The following SPATA31C2 variants were observed in gnomAD, a reference collection of about 807,000 sequenced individuals.
The protein encoded by SPATA31C2 is spermatogenesis-associated protein 31C2.
In SPATA31C2, 5 loss-of-function variants were observed where a neutral mutation model predicts 11.4. The ratio of observed to expected loss-of-function variants is 0.44; its 90% CI spans 0.23 to 0.92. SPATA31C2 has a LOEUF of 0.92. Among genes scored for constraint, SPATA31C2 ranks in the 40% least tolerant of loss-of-function variants. The pLI is 0.24. For synonymous variants in SPATA31C2, 515 were observed against 538.7 expected, an observed-to-expected ratio of 0.96 and a Z score of 0.61; for missense variants, 1,353 against 1,368.6, an observed-to-expected ratio of 0.99 and a Z score of 0.18.
In SPATA31C2 at chr9:88,137,987, C is replaced by CA. The variant is rs1342260481; in HGVS notation, c.189+270_189+271insT. On this transcript the variant is annotated intron_variant, in intron 1 of 3. Coordinates refer to ENST00000324915, the MANE Select transcript of SPATA31C2 (RefSeq NM_001350978.3). ...CCAGAGACCTCCCCCGTCTCATGACCGGTCCTGGCCGCTGAGCCCACGGGT... is the reference window on the plus strand; with the variant it reads ...CCAGAGACCTCCCCCGTCTCATGACCAGGTCCTGGCCGCTGAGCCCACGGGT... Among the ~76,000 whole-genome samples the CA allele has an allele frequency of 3.3e-4, 36 of 108,282 alleles. No individual in the cohort carries two copies. The East Asian group carries it at 7.3e-3, about 22-fold the overall frequency. 71.0% of individuals were successfully genotyped at this position (108,282 alleles called of 152,430 possible). A position where few individuals can be genotyped will look rare whatever the true frequency, so the allele number is the denominator to read the frequency against.
chr9:88,131,960 G>A lies in SPATA31C2; in HGVS notation c.1077C>T (p.Ser359=). ...AAGCAGGAGATAGGACTGGGAAAGA[G>A]GATTGAAGATGGGCCTGAGCCTCGG... The part of the protein sequence containing the change: ...AQAEAQAHLQ[S]SFPVLSPAFL... The change falls in exon 4 of 4, where the codon TCC becomes TCT. Residue 359 remains serine, a synonymous_variant. Coordinates refer to ENST00000324915, the MANE Select transcript of SPATA31C2 (RefSeq NM_001350978.3). 1.9e-6 allele frequency: 3 copies of A among 1,611,138 alleles called. No individual in the cohort carries two copies. Among genetic ancestry groups the A allele is most frequent in the Non-Finnish European group, 2.5e-6 (3 of 1,178,030 alleles).
At chr9:88,134,446 G>A (rs1240882066) in intron 1 of SPATA31C2, among the ~76,000 whole-genome samples, 14 of 151,446 alleles carry the variant, frequency 9.2e-5, no homozygotes, top group Admixed American at 4.0e-4. Context: ...GCCTGGCCTC[G>A]GACAGAGACC....
chr9:88,133,804 C>T (rs1353790027), intron 1 of SPATA31C2, 135 bp from the exon 2 acceptor site: 5 of 1,330,384 alleles, frequency 3.8e-6, no homozygotes, highest in Non-Finnish European at 4.2e-6. Flanking sequence ...TTCCTCCCCT[C>T]CCACTCATGT....
In SPATA31C2 at chr9:88,129,607, T is replaced by G; in HGVS notation, c.*25A>C. The G allele has an allele frequency of 6.2e-7, 1 of 1,602,626 alleles. No homozygotes were observed. The highest frequency in any genetic ancestry group is 1.3e-5 in the African/African-American group (1 of 74,618). ...GGATGTCGCAGGCCCCATTGCTCAT[T>G]GTTGCACCGGACACTTTTCAAGGGC... is the stretch of plus-strand genomic sequence containing the variant. On this transcript the variant is annotated 3_prime_UTR_variant, in exon 4 of 4. Coordinates refer to ENST00000324915, the MANE Select transcript of SPATA31C2 (RefSeq NM_001350978.3).
rs371140455 is a variant in SPATA31C2, at chr9:88,131,891, C to T, written c.1146G>A (p.Ser382=). The change falls in exon 4 of 4, where the codon TCG becomes TCA. Residue 382 remains serine, a synonymous_variant. Transcript: ENST00000324915. The stretch of plus-strand genomic sequence containing the variant: ...GGGAGAGAGCTTGCACTTTATTCTG[C>T]GACGCAGGGCAAGCTACTCCAGTGT... ...MKNTGVACPA[S]QNKVQALSLP... The T allele has an allele frequency of 7.4e-5, 119 of 1,610,402 alleles. No individual in the cohort carries two copies. The East Asian group carries it at 1.2e-3, about 16-fold the overall frequency.
At chr9:88,134,108 T>G (rs569690385) in intron 1 of SPATA31C2, among the ~76,000 whole-genome samples, 15 of 149,732 alleles carry the variant, frequency 1.0e-4, no homozygotes, top group African/African-American at 3.7e-4. Context: ...TGAGCCGGTA[T>G]CGCTCCATTT....
rs745894733 is a variant in SPATA31C2 at position 88,132,729 on chromosome 9, A to G, written c.327-19T>C. 1.3e-6 allele frequency: 2 copies of G among 1,591,654 alleles called. No individual in the cohort carries two copies. Among genetic ancestry groups the G allele is most frequent in the South Asian group, 1.1e-5 (1 of 89,400 alleles). ...CAGGAGGCTGCAGGAGACAGGAGGC[A>G]CAAGCTGCAGCCAGGAGCAGATGGG... On this transcript the variant is annotated intron_variant, in intron 3 of 3. Transcript: ENST00000324915.
rs771254570 is a variant in SPATA31C2, at chr9:88,131,987, C to A, written c.1050G>T (p.Gln350His). 4 of 1,611,082 alleles carry A rather than the reference C, an allele frequency of 2.5e-6. No homozygotes were observed. In the South Asian group the frequency reaches 4.4e-5, roughly 18 times the overall value. ...TPQFWPTPMA[Q>H]AEAQAHLQSS... ...ATTGAAGATGGGCCTGAGCCTCGGC[C>A]TGAGCCATAGGTGTGGGCCAGAATT... Residue 350 changes from glutamine (Q) to histidine (H), a missense_variant, in exon 4 of 4, where the codon CAG becomes CAT. Gln to His is a conservative substitution (Grantham distance 24, BLOSUM62 0). This residue lies in a region of SPATA31C2 where 1,075 missense variants were observed against 992.8 expected (regional missense o/e 1.08). Coordinates refer to ENST00000324915, the MANE Select transcript of SPATA31C2 (RefSeq NM_001350978.3).
At chr9:88,135,440 C>T (rs928038576) in intron 1 of SPATA31C2, among the ~76,000 whole-genome samples, 1 of 100,818 alleles carries the variant, frequency 9.9e-6, no homozygotes, top group Non-Finnish European at 1.7e-5. Flanking sequence ...ATTTCTTTTA[C>T]TCTTATTTAG....
rs575689556 is a variant in SPATA31C2, at chr9:88,129,818, G to T, written c.3219C>A (p.Arg1073=). 6.2e-7 allele frequency: 1 copy of T among 1,604,468 alleles called. No homozygotes were observed. The change falls in exon 4 of 4, where the codon CGC becomes CGA. Residue 1073 remains arginine (R), a synonymous_variant. Transcript: ENST00000324915. The part of the protein sequence containing the change: ...LEENMSLCHA[R]HASKVNQQRQ... The stretch of plus-strand genomic sequence containing the variant: ...TTTGCTGATTTACCTTCGAGGCATG[G>T]CGCGCATGGCAAAGTGACATGTTCT...
Position 88,130,869 on chromosome 9 carries a change from G to A in SPATA31C2, c.2168C>T (p.Pro723Leu), listed in dbSNP as rs771036392. The A allele has an allele frequency of 5.0e-6, 8 of 1,613,736 alleles. No homozygotes were observed. The highest frequency in any genetic ancestry group is 6.8e-6 in the Non-Finnish European group (8 of 1,179,870). ...AAGCCTCTCTGGCATGTGAACAGAT[G>A]GTTTGGTCAGCACCTGCTTTCTCAG... ...ASLRKQVLTK[P>L]SVHMPERLQA... The change falls in exon 4 of 4, where the codon CCA becomes CTA. Residue 723 changes from proline (P) to leucine (L), a missense_variant. Transcript: ENST00000324915.
In SPATA31C2 at chr9:88,129,682, G is replaced by C. The variant is rs1164133770; in HGVS notation, c.3355C>G (p.Leu1119Val). The change falls in exon 4 of 4, where the codon CTC becomes GTC. Residue 1119 changes from leucine to valine, a missense_variant. Physicochemically the swap from Leu to Val is conservative, Grantham distance 32. This residue lies in a region of SPATA31C2 where 187 missense variants were observed against 205.8 expected (regional missense o/e 0.91). Coordinates refer to ENST00000324915, the MANE Select transcript of SPATA31C2 (RefSeq NM_001350978.3). ...SYAASSQQAT[L>V]KNQSRPNRDR... is the part of the protein sequence containing the mutation. Reference sequence around the variant, plus strand: ...CTGTTGGGACGACTCTGGTTCTTGAGAGTGGCTTGTTGACTGCTGGCTGCA... The same window carrying C: ...CTGTTGGGACGACTCTGGTTCTTGACAGTGGCTTGTTGACTGCTGGCTGCA... 1 of 1,603,686 alleles carries C rather than the reference G, an allele frequency of 6.2e-7. No homozygotes were observed. The highest frequency in any genetic ancestry group is 2.2e-5 in the East Asian group (1 of 44,526).
chr9:88,131,343 C>G lies in SPATA31C2; in HGVS notation c.1694G>C (p.Arg565Thr). ...TTCTATATGATTCCTCTCTGTGCGTCTTAATAAATCACTTCCTGAGTCACT... is the reference window on the plus strand; with the variant it reads ...TTCTATATGATTCCTCTCTGTGCGTGTTAATAAATCACTTCCTGAGTCACT... ...LRSDSGSDLL[R>T]RTERNHIENI... The change falls in exon 4 of 4, where the codon AGA becomes ACA. Residue 565 changes from arginine (R) to threonine (T), a missense_variant. This residue lies in a region of SPATA31C2 where 1,075 missense variants were observed against 992.8 expected (regional missense o/e 1.08). Coordinates refer to ENST00000324915, the MANE Select transcript of SPATA31C2 (RefSeq NM_001350978.3). The G allele has an allele frequency of 6.2e-7, 1 of 1,611,946 alleles. No homozygotes were observed. Among genetic ancestry groups the G allele is most frequent in the Non-Finnish European group, 8.5e-7 (1 of 1,179,868 alleles).
chr9:88,132,528 T>C lies in SPATA31C2; in HGVS notation c.509A>G (p.Asp170Gly). 1 of 1,610,588 alleles carries C rather than the reference T, an allele frequency of 6.2e-7. No homozygotes were observed. The highest frequency in any genetic ancestry group is 8.5e-7 in the Non-Finnish European group (1 of 1,177,820). Residue 170 changes from aspartate to glycine, a missense_variant, in exon 4 of 4, where the codon GAT becomes GGT. Transcript: ENST00000324915. ...GCCTGGTGGTGGGGTGGAGGCCAGATCCTGAGGATGCTTGGTTCGAGGATC... is the reference window on the plus strand; with the variant it reads ...GCCTGGTGGTGGGGTGGAGGCCAGACCCTGAGGATGCTTGGTTCGAGGATC... ...SPDPRTKHPQ[D>G]LASTPPPGPM...
chr9:88,137,449 C>A (rs1825696109), intron 1 of SPATA31C2, among the ~76,000 whole-genome samples: 1 of 146,414 alleles, frequency 6.8e-6, no homozygotes, highest in Non-Finnish European at 1.5e-5. Flanking sequence ...TGGTGAAACC[C>A]CATCTCTACT....
At position 88,131,736 on chromosome 9, in the gene SPATA31C2, C is replaced by T. The variant is rs557857638; in HGVS notation, c.1301G>A (p.Arg434Lys). Residue 434 changes from arginine (R) to lysine (K), a missense_variant, in exon 4 of 4, where the codon AGA becomes AAA. Physicochemically the swap from Arg to Lys is conservative, Grantham distance 26. Transcript: ENST00000324915. ...GTTCTCAGGCAGAATGGATGTCAGT[C>T]TTTCCTGGGGAAGGTTAGGAGTGGA... ...SVSTPNLPQE[R>K]LTSILPENFP... 4 of 1,611,928 alleles carry T rather than the reference C, an allele frequency of 2.5e-6. No homozygotes were observed. The highest frequency in any genetic ancestry group is 2.7e-5 in the African/African-American group (2 of 74,958).
rs752150571 is a variant in SPATA31C2 at position 88,131,597 on chromosome 9, A to G, written c.1440T>C (p.Ser480=). Reference sequence around the variant, plus strand: ...AGGGCCTGGGTTTGCCCTTGGCCTGACTTGTCCCTGGCAATTCATCCTGAA... The same window carrying G: ...AGGGCCTGGGTTTGCCCTTGGCCTGGCTTGTCCCTGGCAATTCATCCTGAA... The part of the protein sequence containing the change: ...MQLQDELPGT[S]QAKGKPRPWQ... The change falls in exon 4 of 4, where the codon AGT becomes AGC. Residue 480 remains serine, a synonymous_variant. Transcript: ENST00000324915. 2 of 1,611,822 alleles carry G rather than the reference A, an allele frequency of 1.2e-6. No homozygotes were observed. The highest frequency in any genetic ancestry group is 2.2e-5 in the South Asian group (2 of 90,974).
chr9:88,131,210 G>A lies in SPATA31C2; in HGVS notation c.1827C>T (p.Val609=). 6.2e-7 allele frequency: 1 copy of A among 1,610,400 alleles called. No homozygotes were observed. The highest frequency in any genetic ancestry group is 8.5e-7 in the Non-Finnish European group (1 of 1,179,834). The change falls in exon 4 of 4, where the codon GTC becomes GTT. Residue 609 remains valine, a synonymous_variant. Transcript: ENST00000324915. ...SWLAVNQAFP[V]SNTHVKTSNL... is the part of the protein sequence containing the mutation. ...TGCTGGTTTTCACGTGGGTGTTGGA[G>A]ACGGGAAAAGCCTGGTTGACAGCAA...
Position 88,129,788 on chromosome 9 carries a change from C to T in SPATA31C2, c.3249G>A (p.Gln1083=). 6.2e-7 allele frequency: 1 copy of T among 1,604,212 alleles called. No individual in the cohort carries two copies. The change falls in exon 4 of 4, where the codon CAG becomes CAA. Residue 1083 remains glutamine (Q), a synonymous_variant. Coordinates refer to ENST00000324915, the MANE Select transcript of SPATA31C2 (RefSeq NM_001350978.3). The part of the protein sequence containing the change: ...RHASKVNQQR[Q]QFQAPVCGFP... ...ACCCACAGACTGGGGCTTGAAACTG[C>T]TGTCTTTGCTGATTTACCTTCGAGG...
Sources: allele counts gnomAD v4.1 joint callset (sites outside exome capture counted in the v4.1 genomes callset), GRCh38; gene constraint gnomAD v4.1.1; regional missense constraint gnomAD v4.1.1; transcripts MANE v1.5; gene names NCBI Gene and HGNC (gene_info 2026-07-23, HGNC 2026-07-21).